Variants in FREM2 observed in about 807,000 individuals in gnomAD.
The protein encoded by FREM2 is FRAS1-related extracellular matrix protein 2.
A neutral mutation model predicts 219.9 loss-of-function variants in FREM2; 119 were observed. The observed-to-expected ratio is 0.54, with a 90% CI of 0.47 to 0.63. FREM2 has a LOEUF of 0.63. FREM2 is among the 30% of genes least tolerant of loss of function. The pLI is 0.00. For synonymous variants in FREM2, 1,562 were observed against 1,522.8 expected (o/e 1.03, Z -0.60); for missense variants, 4,030 against 3,993.6 (o/e 1.01, Z -0.25).
Position 38,857,889 on chromosome 13 carries a change from T to A in FREM2, c.7071T>A (p.Ile2357=). The change falls in exon 13 of 24, where the codon ATT becomes ATA. Residue 2357 remains isoleucine (I), a synonymous_variant. Transcript: ENST00000280481. ...TTTCCTTCTAGTTGACGAAAGCCATTGTGTACATAGAAGAAATGAGCAGCA... is the reference window on the plus strand; with the variant it reads ...TTTCCTTCTAGTTGACGAAAGCCATAGTGTACATAGAAGAAATGAGCAGCA... ...MIAEMQLTKA[I]VYIEEMSSMA... is the part of the protein sequence containing the mutation. 1 of 1,613,696 alleles carries A rather than the reference T, an allele frequency of 6.2e-7. No individual in the cohort carries two copies. Among genetic ancestry groups the A allele is most frequent in the Non-Finnish European group, 8.5e-7 (1 of 1,179,598 alleles).
At chr13:38,722,512 A>G (rs960507163) in intron 2 of FREM2, among the ~76,000 whole-genome samples, 1 of 152,092 alleles carries the variant, frequency 6.6e-6, no homozygotes, top group Non-Finnish European at 1.5e-5. Context: ...GACTAAGCTA[A>G]GTCTACCTTT....
chr13:38,877,111 T>C lies in FREM2; in HGVS notation c.8545-6T>C, dbSNP rs1337947274. ...TGCATAAAAGAACTTTTACCTTTGG[T>C]TTTAGGTCAGTGATCCAGTGGCTGC... On this transcript the variant is annotated splice_region_variant and splice_polypyrimidine_tract_variant and intron_variant, in intron 20 of 23. Coordinates refer to ENST00000280481, the MANE Select transcript of FREM2 (RefSeq NM_207361.6). The C allele has an allele frequency of 6.2e-7, 1 of 1,614,032 alleles. No individual in the cohort carries two copies. The highest frequency in any genetic ancestry group is 8.5e-7 in the Non-Finnish European group (1 of 1,179,934).
rs1409681780 is a variant in FREM2, at chr13:38,797,069, G to A, written c.6019+12261G>A. Among the ~76,000 whole-genome samples, 5 of 151,730 alleles carry A rather than the reference G, an allele frequency of 3.3e-5. 1 individual carries two copies. The highest frequency in any genetic ancestry group is 9.7e-5 in the African/African-American group (4 of 41,368). ...TTCTTTAAATTTTTTGTAGAGATGG[G>A]GTCTCTCTATGTTGCCCAGGCTGGT... On this transcript the variant is annotated intron_variant, in intron 6 of 23. Transcript: ENST00000280481.
intron 2 of FREM2, among the ~76,000 whole-genome samples, chr13:38,725,963 G>T (rs1248789535): frequency 6.6e-6 from 1 of 152,192 alleles, no homozygotes. Context: ...CTGTTTTAAA[G>T]TGGAGGTTTT....
At chr13:38,834,191 C>T (rs147935093) in intron 6 of FREM2, among the ~76,000 whole-genome samples, 12 of 152,034 alleles carry the variant, frequency 7.9e-5, no homozygotes, top group Non-Finnish European at 1.3e-4. Flanking sequence ...CCAATAGGCC[C>T]CAGTGTGTGA....
chr13:38,710,045 C>T (rs558070447), intron 2 of FREM2, among the ~76,000 whole-genome samples: 12 of 150,182 alleles, frequency 8.0e-5, no homozygotes, highest in Admixed American at 2.0e-4. Context: ...ACAAATTAGC[C>T]GGGCGTGATG....
intron 6 of FREM2, among the ~76,000 whole-genome samples, chr13:38,845,018 GTC>G (rs1877099431): frequency 6.6e-6 from 1 of 152,048 alleles, no homozygotes; most frequent in Non-Finnish European, 1.5e-5. Flanking sequence ...CCCTAGCACT[GTC>G]CAAGTCAAAA....
Position 38,689,847 on chromosome 13 carries a change from A to G in FREM2, c.2503A>G (p.Thr835Ala), listed in dbSNP as rs1325407717. The change falls in exon 1 of 24, where the codon ACC (threonine) becomes GCC (alanine). Residue 835 changes from threonine (T) to alanine (A), a missense_variant. Around this residue, in one of 2 missense-constraint regions of FREM2, gnomAD observed 3,102 missense variants for 2,950.7 expected, o/e 1.05. Coordinates refer to ENST00000280481, the MANE Select transcript of FREM2 (RefSeq NM_207361.6). The stretch of plus-strand genomic sequence containing the variant: ...CAACCAGCCACCTGAGATCCTCAAC[A>G]CCGGCTTCACTATTCAGGAGAAGGG... ...VDNQPPEILN[T>A]GFTIQEKGHH... 6.2e-6 allele frequency: 10 copies of G among 1,613,954 alleles called. No individual in the cohort carries two copies. In the Admixed American group the frequency reaches 6.7e-5, roughly 11 times the overall value.
chr13:38,743,749 C>T (rs898227676), intron 2 of FREM2, among the ~76,000 whole-genome samples: 1 of 152,152 alleles, frequency 6.6e-6, no homozygotes, highest in Non-Finnish European at 1.5e-5. Context: ...TTAATCCTTA[C>T]TGAATAGAAC....
In FREM2 at chr13:38,687,275, C is replaced by T; in HGVS notation, c.-70C>T. On this transcript the variant is annotated 5_prime_UTR_variant, in exon 1 of 24. Coordinates refer to ENST00000280481, the MANE Select transcript of FREM2 (RefSeq NM_207361.6). ...TTCCTGGCACTTCCCGGCGGTGTCT[C>T]TTGTTGTCTGCCCGGGGACCGACTT... 2 of 1,549,714 alleles carry T rather than the reference C, an allele frequency of 1.3e-6. No individual in the cohort carries two copies. Among genetic ancestry groups the T allele is most frequent in the Admixed American group, 2.0e-5 (1 of 51,228 alleles).
chr13:38,691,723 T>A lies in FREM2; in HGVS notation c.4379T>A (p.Ile1460Asn). Reference sequence around the variant, plus strand: ...CCTGATGAAAACTTGGTTTTTACCATCACCAGGGCTCCCATGCGAGGTCAC... The same window carrying A: ...CCTGATGAAAACTTGGTTTTTACCAACACCAGGGCTCCCATGCGAGGTCAC... Reference protein sequence around the residue: ...NSPDENLVFTITRAPMRGHLE... With the variant: ...NSPDENLVFTNTRAPMRGHLE... The change falls in exon 1 of 24, where the codon ATC becomes AAC. Residue 1460 changes from isoleucine (I) to asparagine (N), a missense_variant. Around this residue, in one of 2 missense-constraint regions of FREM2, gnomAD observed 3,102 missense variants for 2,950.7 expected, o/e 1.05. Coordinates refer to ENST00000280481, the MANE Select transcript of FREM2 (RefSeq NM_207361.6). The A allele has an allele frequency of 6.2e-7, 1 of 1,613,646 alleles. No homozygotes were observed. Among genetic ancestry groups the A allele is most frequent in the Non-Finnish European group, 8.5e-7 (1 of 1,179,572 alleles).
Position 38,688,738 on chromosome 13 carries a change from C to T in FREM2, c.1394C>T (p.Pro465Leu), listed in dbSNP as rs755744742. 120 of 1,613,782 alleles carry T rather than the reference C, an allele frequency of 7.4e-5. No individual in the cohort carries two copies. The highest frequency in any genetic ancestry group is 3.3e-4 in the Middle Eastern group (2 of 6,084). Residue 465 changes from proline to leucine, a missense_variant, in exon 1 of 24, where the codon CCG (proline) becomes CTG (leucine). By Grantham distance (98) the Pro-to-Leu change is moderately conservative. Transcript: ENST00000280481. ...RPLTGPAGSGPQNLVISDEDD... is the reference protein window; with the variant it reads ...RPLTGPAGSGLQNLVISDEDD... ...CTCACAGGCCCTGCAGGCAGTGGTCCGCAAAACTTGGTCATCAGCGATGAG... is the reference window on the plus strand; with the variant it reads ...CTCACAGGCCCTGCAGGCAGTGGTCTGCAAAACTTGGTCATCAGCGATGAG...
intron 17 of FREM2, 125 bp downstream of exon 17, chr13:38,873,059 A>G (rs1257087450): frequency 6.5e-6 from 5 of 770,418 alleles, no homozygotes; most frequent in African/African-American, 3.5e-5. Context: ...TTTTCTATCT[A>G]TAATAAGATA....
At position 38,690,672 on chromosome 13, in the gene FREM2, C is replaced by T. The variant is rs1236518847; in HGVS notation, c.3328C>T (p.Pro1110Ser). 2 of 1,613,864 alleles carry T rather than the reference C, an allele frequency of 1.2e-6. No homozygotes were observed. The highest frequency in any genetic ancestry group is 2.2e-5 in the South Asian group (2 of 91,080). Residue 1110 changes from proline (P) to serine (S), a missense_variant, in exon 1 of 24, where the codon CCT (proline) becomes TCT (serine). Around this residue, in one of 2 missense-constraint regions of FREM2, gnomAD observed 3,102 missense variants for 2,950.7 expected, o/e 1.05. Transcript: ENST00000280481. ...DDILCTIVIQ[P>S]TSGYVENISP... ...CATCTTGTGCACTATAGTTATTCAG[C>T]CTACTTCAGGTTATGTTGAAAACAT... is the stretch of plus-strand genomic sequence containing the variant.
In FREM2 at chr13:38,882,129, G is replaced by A. The variant is rs984550143; in HGVS notation, c.*1342G>A. On this transcript the variant is annotated 3_prime_UTR_variant, in exon 24 of 24. Coordinates refer to ENST00000280481, the MANE Select transcript of FREM2 (RefSeq NM_207361.6). ...CAAGGAACTTGAGTGAGCTTCCTTG[G>A]CAAGCCTCCCATTGCCTTTCTGCAT... 7 of 152,194 alleles carry A rather than the reference G, an allele frequency of 4.6e-5. No homozygotes were observed. Among genetic ancestry groups the A allele is most frequent in the South Asian group, 4.2e-4 (2 of 4,808 alleles). 9.4% of individuals were successfully genotyped at this position (152,194 alleles called of 1,614,324 possible).
In FREM2 at chr13:38,864,319, C is replaced by G; in HGVS notation, c.7696C>G (p.Leu2566Val). 1.9e-6 allele frequency: 3 copies of G among 1,614,178 alleles called. No individual in the cohort carries two copies. The highest frequency in any genetic ancestry group is 2.5e-6 in the Non-Finnish European group (3 of 1,179,998). The change falls in exon 16 of 24, where the codon CTC becomes GTC. Residue 2566 changes from leucine to valine, a missense_variant. Transcript: ENST00000280481. ...ISTRELSNFELTLSPDGTRVG... is the reference protein window; with the variant it reads ...ISTRELSNFEVTLSPDGTRVG... ...CACTAGAGAGCTTTCCAACTTTGAG[C>G]TCACCCTCAGCCCTGATGGCACAAG...
intron 4 of FREM2, among the ~76,000 whole-genome samples, chr13:38,781,699 G>A (rs1164335703): frequency 1.3e-5 from 2 of 152,104 alleles, no homozygotes; most frequent in East Asian, 3.8e-4. Context: ...AAAACAAATA[G>A]CACACTGAAA....
chr13:38,747,842 T>C (rs1566126672), intron 2 of FREM2, among the ~76,000 whole-genome samples: 3 of 152,202 alleles, frequency 2.0e-5, no homozygotes, highest in Non-Finnish European at 4.4e-5. Context: ...TTAAAGTTTA[T>C]GTTGCAGCAT....
In FREM2 at chr13:38,856,210, T is replaced by C; in HGVS notation, c.7010T>C (p.Phe2337Ser). 1.2e-6 allele frequency: 2 copies of C among 1,612,730 alleles called. No homozygotes were observed. The highest frequency in any genetic ancestry group is 1.7e-6 in the Non-Finnish European group (2 of 1,178,856). ...GGGGTGAGAGAGATGAGAGAGGCCT[T>C]CACTGTTCACCTAAAACCTGATGAA... ...FDGVREMREA[F>S]TVHLKPDENM... is the part of the protein sequence containing the mutation. Residue 2337 changes from phenylalanine (F) to serine (S), a missense_variant, in exon 12 of 24, where the codon TTC (phenylalanine) becomes TCC (serine). By Grantham distance (155) the Phe-to-Ser change is radical. This residue lies in a region of FREM2 where 3,102 missense variants were observed against 2,950.7 expected (regional missense o/e 1.05). Transcript: ENST00000280481.
Sources: gnomAD v4.1 joint callset for allele counts (sites outside exome capture counted in the v4.1 genomes callset) on GRCh38, gnomAD v4.1.1 for gene constraint, gnomAD v4.1.1 regional missense constraint, MANE v1.5 for transcripts, NCBI Gene and HGNC (gene_info 2026-07-23, HGNC 2026-07-21) for gene names.